TBC1D5: variants seen among roughly 807,000 people sequenced by gnomAD.
The protein encoded by TBC1D5 is TBC1 domain family member 5.
A neutral mutation model predicts 100.3 loss-of-function variants in TBC1D5; 75 were observed. The observed-to-expected ratio is 0.75, with a 90% CI of 0.62 to 0.91. The LOEUF is 0.91. Among genes scored for constraint, TBC1D5 ranks in the 40% least tolerant of loss-of-function variants. The pLI is 0.00. For synonymous variants in TBC1D5, 323 were observed against 325.6 expected (o/e 0.99, Z 0.09); for missense variants, 910 against 942.4 (o/e 0.97, Z 0.45).
intron 13 of TBC1D5, among the ~76,000 whole-genome samples, chr3:17,363,866 A>C (rs2091918708): frequency 6.6e-6 from 1 of 152,014 alleles, no homozygotes; most frequent in African/African-American, 2.4e-5. Flanking sequence ...AATAAAAATT[A>C]GTATTTTATT....
intron 3 of TBC1D5, among the ~76,000 whole-genome samples, chr3:17,489,092 T>C (rs1274692267): frequency 6.6e-6 from 1 of 151,598 alleles, no homozygotes; most frequent in East Asian, 1.9e-4. Context: ...GGTTAAGCAA[T>C]CAACAAATGA....
At chr3:17,722,407 T>A (rs34487714) in intron 1 of TBC1D5, among the ~76,000 whole-genome samples, 2 of 151,944 alleles carry the variant, frequency 1.3e-5, no homozygotes, top group African/African-American at 4.8e-5. Flanking sequence ...CTTATGTACA[T>A]AGCCTTAAGG....
intron 13 of TBC1D5, among the ~76,000 whole-genome samples, chr3:17,319,494 A>G (rs906460033): frequency 6.6e-6 from 1 of 151,586 alleles, no homozygotes; most frequent in African/African-American, 2.4e-5. Flanking sequence ...AAGACGTACA[A>G]TAAGAAGCAA....
At chr3:17,497,464 C>T (rs6807836) in intron 3 of TBC1D5, among the ~76,000 whole-genome samples, 1,920 of 152,290 alleles carry the variant, frequency 0.013, 37 homozygotes, top group African/African-American at 0.043. Context: ...GGTCTTTGGG[C>T]GGCAGCCCTC....
intron 8 of TBC1D5, among the ~76,000 whole-genome samples, chr3:17,390,509 G>T (rs540428210): frequency 2.9e-4 from 44 of 152,116 alleles, no homozygotes; most frequent in Non-Finnish European, 1.0e-4. Flanking sequence ...TACTGAAGAT[G>T]CAAGTATTCA....
At chr3:17,455,512 GTATA>G (rs371306249) in intron 3 of TBC1D5, among the ~76,000 whole-genome samples, 13 of 128,870 alleles carry the variant, frequency 1.0e-4, no homozygotes, top group African/African-American at 1.7e-4. Flanking sequence ...ATGTGTGTGT[GTATA>G]TATATATATA....
chr3:17,543,136 G>GA (rs758093920), intron 2 of TBC1D5, among the ~76,000 whole-genome samples: 5 of 152,112 alleles, frequency 3.3e-5, no homozygotes, highest in Non-Finnish European at 5.9e-5. Context: ...GAGGGGAGGG[G>GA]AGAGGAGAAG....
chr3:17,452,917 C>T (rs576723622), intron 3 of TBC1D5, among the ~76,000 whole-genome samples: 62 of 151,250 alleles, frequency 4.1e-4, no homozygotes, highest in African/African-American at 1.4e-3. Context: ...TGTTAGTTTA[C>T]AAAACAAGTC....
At chr3:17,700,338 T>G (rs1215708166) in intron 1 of TBC1D5, among the ~76,000 whole-genome samples, 1 of 152,082 alleles carries the variant, frequency 6.6e-6, no homozygotes, top group Non-Finnish European at 1.5e-5. Context: ...TCAAGATGGA[T>G]TAAAGACTTA....
chr3:17,439,113 A>C (rs1181024938), intron 3 of TBC1D5, among the ~76,000 whole-genome samples: 1 of 152,198 alleles, frequency 6.6e-6, no homozygotes, highest in Non-Finnish European at 1.5e-5. Flanking sequence ...TCCTTGGGGC[A>C]CTACTCATTT....
chr3:17,218,406 C>T (rs1193144602), intron 17 of TBC1D5, among the ~76,000 whole-genome samples: 1 of 151,894 alleles, frequency 6.6e-6, no homozygotes, highest in East Asian at 1.9e-4. Flanking sequence ...ATATGTAGAT[C>T]AATTTGGTAG....
intron 2 of TBC1D5, among the ~76,000 whole-genome samples, chr3:17,534,109 G>C (rs1450846897): frequency 6.6e-6 from 1 of 152,012 alleles, no homozygotes; most frequent in Non-Finnish European, 1.5e-5. Flanking sequence ...GAAAGCAAAA[G>C]AATCACCCAT....
chr3:17,651,946 G>A (rs1025922225), intron 1 of TBC1D5, among the ~76,000 whole-genome samples: 8 of 152,044 alleles, frequency 5.3e-5, no homozygotes, highest in African/African-American at 1.9e-4. Context: ...AGAGGACATC[G>A]GATCTTCCAG....
chr3:17,507,344 C>G (rs565526547), intron 3 of TBC1D5, among the ~76,000 whole-genome samples: 126 of 151,994 alleles, frequency 8.3e-4, no homozygotes, highest in African/African-American at 2.9e-3. Context: ...TCTTATTTAA[C>G]AAAAAATATA....
intron 3 of TBC1D5, among the ~76,000 whole-genome samples, chr3:17,473,463 TCATC>T (rs955768308): frequency 2.0e-5 from 3 of 152,218 alleles, no homozygotes; most frequent in African/African-American, 7.2e-5. Context: ...GTTGCAACAT[TCATC>T]CTTTATGTAT....
chr3:17,442,844 G>T (rs941817008), intron 3 of TBC1D5, among the ~76,000 whole-genome samples: 12 of 151,910 alleles, frequency 7.9e-5, no homozygotes, highest in African/African-American at 2.9e-4. Context: ...CAGGAGAGTT[G>T]GTAATGGGAA....
chr3:17,367,577 G>T (rs765490516), intron 13 of TBC1D5, among the ~76,000 whole-genome samples: 3 of 152,038 alleles, frequency 2.0e-5, no homozygotes, highest in Non-Finnish European at 4.4e-5. Flanking sequence ...ATGTTAATTA[G>T]GCTGGGCGCA....
intron 1 of TBC1D5, among the ~76,000 whole-genome samples, chr3:17,695,768 T>C (rs2071960731): frequency 6.6e-6 from 1 of 152,076 alleles, no homozygotes; most frequent in Non-Finnish European, 1.5e-5. Context: ...TCTACAGAAC[T>C]CTCCACCCCA....
chr3:17,492,597 G>A (rs1212417815), intron 3 of TBC1D5, among the ~76,000 whole-genome samples: 1 of 152,092 alleles, frequency 6.6e-6, no homozygotes, highest in Non-Finnish European at 1.5e-5. Flanking sequence ...ACCAGGTCTG[G>A]TTAATTTTTG....
Sources: gnomAD v4.1 joint callset for allele counts (sites outside exome capture counted in the v4.1 genomes callset) on GRCh38, gnomAD v4.1.1 for gene constraint, MANE v1.5 for transcripts, NCBI Gene and HGNC (gene_info 2026-07-23, HGNC 2026-07-21) for gene names.